STK31: variants seen among roughly 807,000 people sequenced by gnomAD.
STK31 encodes the protein serine/threonine kinase 31.
STK31 carries 89 observed loss-of-function variants against 129.7 expected under a neutral mutation model. That is an observed-to-expected ratio of 0.69 (90% CI 0.58 to 0.82). The LOEUF (loss-of-function observed/expected upper bound fraction) is 0.82, where lower values mean the gene tolerates loss of function less well. STK31 is among the 40% of genes least tolerant of loss of function. STK31 has a pLI of 0.00. For missense variants in STK31, 1,187 were observed against 1,176.4 expected, an observed-to-expected ratio of 1.01 and a Z score of -0.13; for synonymous variants, 448 against 395.3, an observed-to-expected ratio of 1.13 and a Z score of -1.58.
intron 23 of STK31, among the ~76,000 whole-genome samples, chr7:23,828,043 G>A (rs566778360): frequency 1.3e-5 from 2 of 152,294 alleles, no homozygotes; most frequent in South Asian, 4.1e-4. Flanking sequence ...CGGGAGTCAG[G>A]GACCCACTTG....
chr7:23,735,239 G>A (rs1787649562), intron 6 of STK31, among the ~76,000 whole-genome samples: 1 of 152,142 alleles, frequency 6.6e-6, no homozygotes, highest in South Asian at 2.1e-4. Flanking sequence ...TGGGGCCAAA[G>A]TAATCAATGT....
intron 8 of STK31, among the ~76,000 whole-genome samples, chr7:23,747,473 C>T (rs1032852384): frequency 2.0e-5 from 3 of 152,008 alleles, no homozygotes; most frequent in Admixed American, 1.3e-4. Flanking sequence ...GGGTTCACGC[C>T]ATTCTCCTGC....
chr7:23,825,771 T>A (rs903731718), intron 23 of STK31, among the ~76,000 whole-genome samples: 9 of 152,194 alleles, frequency 5.9e-5, no homozygotes, highest in African/African-American at 2.2e-4. Context: ...CTGCTTTGAA[T>A]GTGTCCCAGA....
intron 16 of STK31, 102 bp from the exon 17 acceptor site, chr7:23,783,481 A>G (rs538596481): frequency 1.8e-5 from 13 of 742,538 alleles, no homozygotes; most frequent in Non-Finnish European, 2.7e-5. Context: ...ATCTTACTGG[A>G]TATGTTATAA....
chr7:23,738,561 GTTTTC>G (rs1210950324), intron 8 of STK31, among the ~76,000 whole-genome samples: 23 of 151,332 alleles, frequency 1.5e-4, no homozygotes, highest in African/African-American at 4.1e-4. Flanking sequence ...TAATTTTTGT[GTTTTC>G]TTTTCTTTTT....
At chr7:23,815,921 T>C (rs921553351) in intron 23 of STK31, among the ~76,000 whole-genome samples, 1 of 152,010 alleles carries the variant, frequency 6.6e-6, no homozygotes, top group Non-Finnish European at 1.5e-5. Context: ...AGTAAATGAG[T>C]CTATAAGAGT....
intron 23 of STK31, among the ~76,000 whole-genome samples, chr7:23,816,958 G>T (rs1418340051): frequency 1.3e-5 from 2 of 152,100 alleles, no homozygotes; most frequent in African/African-American, 4.8e-5. Context: ...GGCCGAGGTG[G>T]GCAGATCAAC....
In STK31 at chr7:23,712,922, T is replaced by C. The variant is rs543065727; in HGVS notation, c.150+636T>C. Among the ~76,000 whole-genome samples, 19 of 152,290 alleles carry C rather than the reference T, an allele frequency of 1.2e-4. No individual in the cohort carries two copies. The East Asian group carries it at 3.7e-3, about 29-fold the overall frequency. ...ATACGGAAGGGAAAGAAATTACGTT[T>C]CTCTATACTCCCTACAGCATGGGAA... On this transcript the variant is annotated intron_variant, in intron 3 of 23. Transcript: ENST00000355870.
At chr7:23,751,312 T>C (rs1291978872) in intron 8 of STK31, among the ~76,000 whole-genome samples, 2 of 152,222 alleles carry the variant, frequency 1.3e-5, no homozygotes, top group African/African-American at 2.4e-5. Context: ...GTGATAGTGC[T>C]GCAGTAAACT....
chr7:23,761,424 T>C (rs1410102706), intron 10 of STK31, among the ~76,000 whole-genome samples: 2 of 39,782 alleles, frequency 5.0e-5, no homozygotes, highest in African/African-American at 1.5e-4. Flanking sequence ...GGCCATATGC[T>C]TTTTTTTTTT....
rs547979697 is a variant in STK31 at position 23,730,369 on chromosome 7, T to A, written c.483+1120T>A. On this transcript the variant is annotated intron_variant, in intron 6 of 23. Coordinates refer to ENST00000355870, the MANE Select transcript of STK31 (RefSeq NM_031414.5). Reference sequence around the variant, plus strand: ...GTTTTGTCTGCTATGTAGTTACTTATAAAAAACATTTCTGTACATGAAACT... The same window carrying A: ...GTTTTGTCTGCTATGTAGTTACTTAAAAAAAACATTTCTGTACATGAAACT... 5.3e-5 allele frequency among the ~76,000 whole-genome samples: 8 copies of A among 152,298 alleles called. No individual in the cohort carries two copies. In the East Asian group the frequency reaches 1.5e-3, roughly 29 times the overall value.
intron 22 of STK31, 152 bp from the exon 23 acceptor site, chr7:23,814,992 A>G (rs913187729): frequency 2.7e-5 from 14 of 518,664 alleles, no homozygotes; most frequent in African/African-American, 1.8e-4. Context: ...TGTAATTAGA[A>G]TGAAAGTGCT....
intron 11 of STK31, among the ~76,000 whole-genome samples, chr7:23,765,015 T>A (rs2128100593): frequency 6.6e-6 from 1 of 152,082 alleles, no homozygotes; most frequent in South Asian, 2.1e-4. Flanking sequence ...TCTTTTTGGT[T>A]AACACTGCAA....
At chr7:23,721,742 A>G (rs1786712061) in intron 4 of STK31, 2 of 743,296 alleles carry the variant, frequency 2.7e-6, no homozygotes, top group Non-Finnish European at 5.0e-6. Flanking sequence ...AAATGACACA[A>G]TAAGGATATT....
intron 22 of STK31, among the ~76,000 whole-genome samples, chr7:23,803,171 CT>C (rs1410829488): frequency 6.6e-6 from 1 of 152,114 alleles, no homozygotes; most frequent in Non-Finnish European, 1.5e-5. Flanking sequence ...GCTGTGTATA[CT>C]TTGACCTTCC....
chr7:23,748,444 A>C (rs190045584), intron 8 of STK31, among the ~76,000 whole-genome samples: 1 of 152,158 alleles, frequency 6.6e-6, no homozygotes, highest in African/African-American at 2.4e-5. Context: ...AGCATAGTTC[A>C]CCCTTGAACA....
At chr7:23,821,649 A>G (rs1022086064) in intron 23 of STK31, among the ~76,000 whole-genome samples, 1 of 152,130 alleles carries the variant, frequency 6.6e-6, no homozygotes, top group African/African-American at 2.4e-5. Context: ...GAAGCATTTT[A>G]GTTAAGTATA....
At chr7:23,729,424 T>C (rs377092079) in intron 6 of STK31, among the ~76,000 whole-genome samples, 175 bp downstream of exon 6, 26 of 152,236 alleles carry the variant, frequency 1.7e-4, no homozygotes, top group East Asian at 1.5e-3. Context: ...TAGGTAAACA[T>C]TGAACAGATA....
At chr7:23,777,682 G>T (rs1490940728) in intron 15 of STK31, among the ~76,000 whole-genome samples, 2 of 151,606 alleles carry the variant, frequency 1.3e-5, no homozygotes, top group Non-Finnish European at 2.9e-5. Context: ...CTTTCCATCT[G>T]CTTGGTAAAT....
Sources: gnomAD v4.1 joint callset for allele counts (sites outside exome capture counted in the v4.1 genomes callset) on GRCh38, gnomAD v4.1.1 for gene constraint, MANE v1.5 for transcripts, NCBI Gene and HGNC (gene_info 2026-07-23, HGNC 2026-07-21) for gene names.